SPTBN5: variants seen among roughly 807,000 people sequenced by gnomAD.
SPTBN5 encodes the protein spectrin beta chain, non-erythrocytic 5.
A neutral mutation model predicts 477.6 loss-of-function variants in SPTBN5; 513 were observed. The ratio of observed to expected loss-of-function variants is 1.07; its 90% CI spans 1.00 to 1.16. The LOEUF (loss-of-function observed/expected upper bound fraction) is 1.16, where lower values mean the gene tolerates loss of function less well. Ranked by LOEUF, SPTBN5 falls within the 50% of genes most tolerant of loss-of-function variation. SPTBN5 has a pLI of 0.00. For missense variants in SPTBN5, 5,062 were observed against 4,731.8 expected (o/e 1.07, Z -2.05); for synonymous variants, 2,169 against 2,011.7 (o/e 1.08, Z -2.09).
Position 41,885,867 on chromosome 15 carries a change from TC to T in SPTBN5, c.1387del (p.Glu463ArgfsTer74), listed in dbSNP as rs1438456420. 3 of 1,579,032 alleles carry T rather than the reference TC, an allele frequency of 1.9e-6. No homozygotes were observed. The African/African-American group carries it at 4.0e-5, about 21-fold the overall frequency. ...RAPPASLATV[E>X]AAVQRLGMLE... ...CATGCCCAGCCTCTGGACGGCTGCC[TC>T]CACTGTGGCCAGGCTGGCTGGCGGG... On this transcript the variant is annotated frameshift_variant, in exon 7 of 68. Transcript: ENST00000320955. LOFTEE classifies it high-confidence loss of function.
rs1312679081 is a variant in SPTBN5, at chr15:41,855,531, G to A, written c.9218+18C>T. On this transcript the variant is annotated intron_variant, in intron 54 of 67. Coordinates refer to ENST00000320955, the MANE Select transcript of SPTBN5 (RefSeq NM_016642.4). ...GGCTTCTCTCTGCTCCTTCGCGGAT[G>A]GTGTGGCTTCCGCCCACCTTTCTGG... 2.5e-6 allele frequency: 4 copies of A among 1,605,020 alleles called. No individual in the cohort carries two copies. The African/African-American group carries it at 4.0e-5, about 16-fold the overall frequency.
intron 23 of SPTBN5, 21 bp from the exon 24 acceptor site, chr15:41,874,499 T>C (rs2066654065): frequency 2.5e-6 from 4 of 1,575,730 alleles, no homozygotes; most frequent in East Asian, 4.5e-5. Flanking sequence ...GAGGAAGAGA[T>C]TGGAGAGGTT....
chr15:41,880,038 C>T (rs889855080), intron 14 of SPTBN5, 122 bp downstream of exon 14: 1 of 1,424,550 alleles, frequency 7.0e-7, no homozygotes, highest in African/African-American at 1.4e-5. Context: ...AAATTCAGGC[C>T]AGCTCTCTGC....
At position 41,883,320 on chromosome 15, in the gene SPTBN5, C is replaced by T. The variant is rs772640862; in HGVS notation, c.1659+28G>A. The stretch of plus-strand genomic sequence containing the variant: ...GGAAGTCCCCCACCTTGCTGTGTTT[C>T]CCAAGGGCCTGCTGGTCCAGTGCCC... On this transcript the variant is annotated intron_variant, in intron 8 of 67. Transcript: ENST00000320955. The T allele has an allele frequency of 2.4e-5, 38 of 1,610,836 alleles. No individual in the cohort carries two copies. In the South Asian group the frequency reaches 4.0e-4, roughly 17 times the overall value.
In SPTBN5 at chr15:41,873,843, A is replaced by ACCTGCTGGAAAGTGACAG. The variant is rs759648074; in HGVS notation, c.4874_4890+1dup. 1.9e-6 allele frequency: 3 copies of ACCTGCTGGAAAGTGACAG among 1,609,662 alleles called. No individual in the cohort carries two copies. In the South Asian group the frequency reaches 3.3e-5, roughly 18 times the overall value. On this transcript the variant is annotated splice_donor_variant, in intron 25 of 67. Transcript: ENST00000320955. LOFTEE classifies it high-confidence loss of function. ...CCCCAACCCCACCTCTCTGCATCCT[A>ACCTGCTGGAAAGTGACAG]CCTGCTGGAAAGTGACAGCCTGCTG...
chr15:41,887,213 C>A lies in SPTBN5; in HGVS notation c.888G>T (p.Lys296Asn). Reference sequence around the variant, plus strand: ...ACCCCACCCCTCCTTTCTCCCCCACCTTAGTGAGTCTCCTCTGGACAGTCT... The same window carrying A: ...ACCCCACCCCTCCTTTCTCCCCCACATTAGTGAGTCTCCTCTGGACAGTCT... ...QGQTVQRRLT[K>N]ILLQLQETEL... Residue 296 changes from lysine to asparagine, a missense_variant and splice_region_variant, in exon 6 of 68, where the codon AAG becomes AAT. Transcript: ENST00000320955. 1 of 1,551,492 alleles carries A rather than the reference C, an allele frequency of 6.4e-7. No homozygotes were observed. The highest frequency in any genetic ancestry group is 1.7e-4 in the Middle Eastern group (1 of 5,990).
At position 41,886,209 on chromosome 15, in the gene SPTBN5, G is replaced by A. The variant is rs1258656555; in HGVS notation, c.1046C>T (p.Thr349Ile). The A allele has an allele frequency of 6.2e-7, 1 of 1,613,066 alleles. No homozygotes were observed. The highest frequency in any genetic ancestry group is 8.5e-7 in the Non-Finnish European group (1 of 1,179,888). Residue 349 changes from threonine to isoleucine, a missense_variant, in exon 7 of 68, where the codon ACC (threonine) becomes ATC (isoleucine). Coordinates refer to ENST00000320955, the MANE Select transcript of SPTBN5 (RefSeq NM_016642.4). ...PAMRQLLAAF[T>I]IFRTQEKPPR... is the part of the protein sequence containing the mutation. ...TGGCTTCTCCTGGGTGCGGAAGATG[G>A]TGAATGCTGCCAGTAGCTGCCGCAT...
chr15:41,869,549 CT>C (rs928480729), intron 32 of SPTBN5, among the ~76,000 whole-genome samples: 19 of 152,354 alleles, frequency 1.2e-4, no homozygotes, highest in Non-Finnish European at 2.6e-4. Context: ...ACATCTGGGT[CT>C]CCAGTTATGA....
chr15:41,880,149 C>T lies in SPTBN5; in HGVS notation c.2811+11G>A, dbSNP rs2066898826. ...AGGCGAGGAGGAGGTGCCAAGCTCCCAGGGCTGTACCTCATATTTGAGCTG... is the reference window on the plus strand; with the variant it reads ...AGGCGAGGAGGAGGTGCCAAGCTCCTAGGGCTGTACCTCATATTTGAGCTG... On this transcript the variant is annotated intron_variant, in intron 14 of 67. Transcript: ENST00000320955. The T allele has an allele frequency of 1.3e-6, 2 of 1,576,458 alleles. No individual in the cohort carries two copies. The highest frequency in any genetic ancestry group is 1.7e-6 in the Non-Finnish European group (2 of 1,163,198).
At chr15:41,893,742 ATTCTTCT>A (rs1213501033) in intron 1 of SPTBN5, 150 bp downstream of exon 1, 1 of 632,764 alleles carries the variant, frequency 1.6e-6, no homozygotes, top group Non-Finnish European at 2.7e-6. Flanking sequence ...CACCTTCCAG[ATTCTTCT>A]TCTCAGAGCC....
rs1337480235 is a variant in SPTBN5 at position 41,862,527 on chromosome 15, G to A, written c.7385+12C>T. The A allele has an allele frequency of 1.9e-6, 3 of 1,579,064 alleles. No homozygotes were observed. On this transcript the variant is annotated intron_variant, in intron 43 of 67. Transcript: ENST00000320955. ...GGATGGGTCGGCGAGGGCAAGGCCT[G>A]CGGGTTCATACCGCTTCTGGGCCCT...
chr15:41,886,150 G>A lies in SPTBN5; in HGVS notation c.1105C>T (p.Leu369=). Residue 369 remains leucine (L), a synonymous_variant, in exon 7 of 68, where the codon CTG becomes TTG. Transcript: ENST00000320955. The part of the protein sequence containing the change: ...RLQQRGAAEA[L]LFRLQTALQA... Reference sequence around the variant, plus strand: ...AGTGCTGTCTGTAGCCGGAAGAGCAGGGCCTCTGCGGCCCCTCGCTGCTGT... The same window carrying A: ...AGTGCTGTCTGTAGCCGGAAGAGCAAGGCCTCTGCGGCCCCTCGCTGCTGT... 2 of 1,612,142 alleles carry A rather than the reference G, an allele frequency of 1.2e-6. No individual in the cohort carries two copies. Among genetic ancestry groups the A allele is most frequent in the South Asian group, 1.1e-5 (1 of 90,986 alleles).
chr15:41,859,087 T>A lies in SPTBN5; in HGVS notation c.7989-107A>T, dbSNP rs937321155. The A allele has an allele frequency of 1.9e-4, 163 of 843,672 alleles. 1 individual carries two copies. Among genetic ancestry groups the A allele is most frequent in the Admixed American group, 7.1e-4 (20 of 28,060 alleles). 52.3% of individuals were successfully genotyped at this position (843,672 alleles called of 1,614,324 possible). A position where few individuals can be genotyped will look rare whatever the true frequency, so the allele number is the denominator to read the frequency against. On this transcript the variant is annotated intron_variant, in intron 47 of 67. Coordinates refer to ENST00000320955, the MANE Select transcript of SPTBN5 (RefSeq NM_016642.4). ...ATGAATATACTCTGAGTCTGGAGTTTCCTTTGGAATAAAGGTACATTGCAC... is the reference window on the plus strand; with the variant it reads ...ATGAATATACTCTGAGTCTGGAGTTACCTTTGGAATAAAGGTACATTGCAC...
chr15:41,860,117 G>T (rs528466665), intron 47 of SPTBN5, among the ~76,000 whole-genome samples: 50 of 152,338 alleles, frequency 3.3e-4, no homozygotes, highest in African/African-American at 1.2e-3. Flanking sequence ...CTGCTAGCCT[G>T]CCTGTGGGGC....
chr15:41,853,037 TAGGGCTCCCACCATGGGC>T, intron 59 of SPTBN5, 37 bp from the exon 60 acceptor site: 1 of 1,478,724 alleles, frequency 6.8e-7, no homozygotes, highest in African/African-American at 1.4e-5. Flanking sequence ...ACAGCTTGGG[TAGGGCTCCCACCATGGGC>T]AGGGCAGGGC....
intron 3 of SPTBN5, among the ~76,000 whole-genome samples, chr15:41,891,587 C>G (rs951010808): frequency 4.6e-5 from 7 of 152,184 alleles, no homozygotes; most frequent in African/African-American, 1.4e-4. Flanking sequence ...GAATACAGCA[C>G]ACTGGAGTTT....
In SPTBN5 at chr15:41,879,742, C is replaced by T. The variant is rs746090867; in HGVS notation, c.2934G>A (p.Leu978=). 2 of 1,613,816 alleles carry T rather than the reference C, an allele frequency of 1.2e-6. No individual in the cohort carries two copies. The highest frequency in any genetic ancestry group is 1.7e-6 in the Non-Finnish European group (2 of 1,179,888). Residue 978 remains leucine (L), a synonymous_variant, in exon 15 of 68, where the codon CTG becomes CTA. Coordinates refer to ENST00000320955, the MANE Select transcript of SPTBN5 (RefSeq NM_016642.4). ...TCCTGCCTCATTCTCACCTCTGGCT[C>T]AGTTCCTCCTGCTGTCGTTGGATTT... The part of the protein sequence containing the change: ...STQIQRQQEE[L]SQRWGQLEAL...
At position 41,883,108 on chromosome 15, in the gene SPTBN5, G is replaced by A. The variant is rs1359163269; in HGVS notation, c.1780C>T (p.Gln594Ter). ...GAGGAGTCCAGCTCTGCTGTCTGCT[G>A]AGCAAGATGGCTCACATGGGCTCCG... The part of the protein sequence containing the change: ...AHGAHVSHLA[Q>*]QTAELDSSLG... The change falls in exon 9 of 68, where the codon CAG (glutamine) becomes TAG (stop). Residue 594 changes from glutamine to a stop codon, truncating the protein, a stop_gained. Transcript: ENST00000320955. LOFTEE classifies it high-confidence loss of function. The A allele has an allele frequency of 2.5e-6, 4 of 1,610,690 alleles. No homozygotes were observed. Among genetic ancestry groups the A allele is most frequent in the African/African-American group, 1.3e-5 (1 of 74,908 alleles).
chr15:41,851,571 C>T (rs1300352876), intron 63 of SPTBN5, among the ~76,000 whole-genome samples: 1 of 115,548 alleles, frequency 8.7e-6, no homozygotes, highest in Non-Finnish European at 1.9e-5. Flanking sequence ...GGAGGAATCC[C>T]AGCACCTCCT....
Sources: gnomAD v4.1 joint callset for allele counts (sites outside exome capture counted in the v4.1 genomes callset) on GRCh38, gnomAD v4.1.1 for gene constraint, MANE v1.5 for transcripts, NCBI Gene and HGNC (gene_info 2026-07-23, HGNC 2026-07-21) for gene names.